Variants in ARHGAP39 observed in about 807,000 individuals in gnomAD.
ARHGAP39 encodes rho GTPase-activating protein 39.
A neutral mutation model predicts 106.9 loss-of-function variants in ARHGAP39; 44 were observed. The ratio of observed to expected loss-of-function variants is 0.41; its 90% CI spans 0.32 to 0.53. The LOEUF is 0.53. Among genes scored for constraint, ARHGAP39 ranks in the 20% least tolerant of loss-of-function variants. The probability of loss-of-function intolerance (pLI) is 0.21; values close to 1 mark genes in which losing one functional copy is unlikely to be tolerated. For synonymous variants in ARHGAP39, 768 were observed against 693.2 expected (o/e 1.11, Z -1.69); for missense variants, 1,496 against 1,577.3 (o/e 0.95, Z 0.87).
intron 2 of ARHGAP39, among the ~76,000 whole-genome samples, chr8:144,600,532 G>A (rs1288092487): frequency 2.0e-5 from 3 of 151,054 alleles, no homozygotes; most frequent in Non-Finnish European, 4.4e-5. Context: ...AGGCGTGCGT[G>A]TGCACTTGTG....
intron 1 of ARHGAP39, among the ~76,000 whole-genome samples, chr8:144,655,576 C>T (rs1411786130): frequency 6.6e-6 from 1 of 152,078 alleles, no homozygotes; most frequent in Non-Finnish European, 1.5e-5. Context: ...GCCACCCACT[C>T]CAGGCCTCCT....
intron 1 of ARHGAP39, among the ~76,000 whole-genome samples, chr8:144,622,347 T>C (rs372558709): frequency 6.6e-6 from 1 of 151,938 alleles, no homozygotes; most frequent in Non-Finnish European, 1.5e-5. Context: ...CACACCCCCA[T>C]GGCCATGTCA....
the ARHGAP39 span, chr8:144,698,770 A>C: frequency 6.6e-6 from 3 of 454,140 alleles, no homozygotes; most frequent in Non-Finnish European, 1.3e-5. Context: ...GTCCTTGGCC[A>C]TGAGTGGGTC....
At chr8:144,613,919 C>T (rs1820563992) in intron 1 of ARHGAP39, among the ~76,000 whole-genome samples, 1 of 152,234 alleles carries the variant, frequency 6.6e-6, no homozygotes. Context: ...AGTTGTCCTA[C>T]AGCTCAATGA....
intron 1 of ARHGAP39, among the ~76,000 whole-genome samples, chr8:144,634,059 C>T (rs1481582132): frequency 3.3e-5 from 5 of 152,292 alleles, no homozygotes; most frequent in African/African-American, 1.2e-4. Flanking sequence ...CCCATGAAGG[C>T]AATCTAATCA....
chr8:144,696,286 G>A, the ARHGAP39 span, among the ~76,000 whole-genome samples: 3 of 151,454 alleles, frequency 2.0e-5, no homozygotes, highest in South Asian at 4.2e-4. Flanking sequence ...TGACAAGTAC[G>A]TACGACCACA....
At chr8:144,607,015 C>T (rs1433296466) in intron 1 of ARHGAP39, among the ~76,000 whole-genome samples, 1 of 148,366 alleles carries the variant, frequency 6.7e-6, no homozygotes, top group Non-Finnish European at 1.5e-5. Flanking sequence ...AAAAAAAAAC[C>T]CACATCCTAA....
intron 3 of ARHGAP39, among the ~76,000 whole-genome samples, chr8:144,557,482 G>A (rs1423914486): frequency 6.7e-6 from 1 of 149,046 alleles, no homozygotes; most frequent in African/African-American, 2.5e-5. Flanking sequence ...AGTATTCAGT[G>A]GCAAAAGGCT....
At chr8:144,638,178 A>G (rs1283138028) in intron 1 of ARHGAP39, among the ~76,000 whole-genome samples, 5 of 152,174 alleles carry the variant, frequency 3.3e-5, no homozygotes, top group African/African-American at 1.2e-4. Context: ...GATGAACACC[A>G]CAGTCTTCTG....
chr8:144,585,582 G>A lies in ARHGAP39; in HGVS notation c.81-4305C>T, dbSNP rs150919914. 3.1e-3 allele frequency among the ~76,000 whole-genome samples: 470 copies of A among 152,246 alleles called. 2 individuals are homozygous for A. Among genetic ancestry groups the A allele is most frequent in the African/African-American group, 5.3e-3 (219 of 41,552 alleles). ...ATACAAAGTGTCAATGACTCCCATC[G>A]TTAGAAACACAGGGACACCAACATG... On this transcript the variant is annotated intron_variant, in intron 2 of 11. Coordinates refer to ENST00000377307, the MANE Select transcript of ARHGAP39 (RefSeq NM_025251.3). This position sits in a 1 kb window ranked among gnomAD's most constrained non-coding sequence, Gnocchi z 4.6.
intron 1 of ARHGAP39, among the ~76,000 whole-genome samples, chr8:144,638,798 G>A (rs562098352): frequency 1.3e-5 from 2 of 152,226 alleles, no homozygotes; most frequent in South Asian, 2.1e-4. Context: ...CCTCACTGCC[G>A]ACATGGAATC....
intron 3 of ARHGAP39, among the ~76,000 whole-genome samples, chr8:144,563,279 C>T (rs1818273316): frequency 6.6e-6 from 1 of 152,200 alleles, no homozygotes; most frequent in African/African-American, 2.4e-5. Context: ...ACAGTGGCAT[C>T]AACACGAACT....
intron 4 of ARHGAP39, among the ~76,000 whole-genome samples, chr8:144,551,757 C>T (rs956926914): frequency 2.6e-5 from 4 of 152,226 alleles, no homozygotes; most frequent in Non-Finnish European, 4.4e-5. Flanking sequence ...CTGTCATTCT[C>T]ACCCCTAGTT....
rs970582261 is a variant in ARHGAP39, at chr8:144,641,869, T to G, written c.-81-36174A>C. Reference sequence around the variant, plus strand: ...AGGAGGAGGGGTACCTGCCACAAGCTCCGGGTGGGCCACTGCAGCCACCCA... The same window carrying G: ...AGGAGGAGGGGTACCTGCCACAAGCGCCGGGTGGGCCACTGCAGCCACCCA... On this transcript the variant is annotated intron_variant, in intron 1 of 11. Transcript: ENST00000377307. The surrounding 1 kb of genome is among the most constrained non-coding windows in gnomAD (Gnocchi z 5.2). Among the ~76,000 whole-genome samples the G allele has an allele frequency of 2.0e-5, 3 of 152,092 alleles. No individual in the cohort carries two copies. The highest frequency in any genetic ancestry group is 2.9e-5 in the Non-Finnish European group (2 of 68,020).
intron 3 of ARHGAP39, among the ~76,000 whole-genome samples, chr8:144,559,432 T>C (rs1818064450): frequency 6.8e-6 from 1 of 146,052 alleles, no homozygotes; most frequent in South Asian, 2.2e-4. Context: ...GATTCTGGAA[T>C]GCAACAGAAA....
rs150171855 is a variant in ARHGAP39, at chr8:144,539,796, G to A, written c.2522-1983C>T. Among the ~76,000 whole-genome samples, 149 of 152,228 alleles carry A rather than the reference G, an allele frequency of 9.8e-4. 2 individuals are homozygous for A. The highest frequency in any genetic ancestry group is 3.4e-3 in the African/African-American group (140 of 41,544). ...ACCTCAAGGCTAGTGCCACACTCTC[G>A]TTAGTCTAGCTTTATAACAAGTCAG... On this transcript the variant is annotated intron_variant, in intron 6 of 11. Coordinates refer to ENST00000377307, the MANE Select transcript of ARHGAP39 (RefSeq NM_025251.3).
At chr8:144,593,270 C>T (rs1819475285) in intron 2 of ARHGAP39, among the ~76,000 whole-genome samples, 1 of 152,264 alleles carries the variant, frequency 6.6e-6, no homozygotes, top group South Asian at 2.1e-4. Context: ...GCTAGGGACA[C>T]AAGAGTGAAC....
chr8:144,672,476 A>G (rs569428943), intron 1 of ARHGAP39, among the ~76,000 whole-genome samples: 1 of 152,350 alleles, frequency 6.6e-6, no homozygotes, highest in African/African-American at 2.4e-5. Context: ...TGAAAGGAGC[A>G]TGGCAAGAAA....
At position 144,646,202 on chromosome 8, in the gene ARHGAP39, G is replaced by A. The variant is rs1458920636; in HGVS notation, c.-82+39484C>T. On this transcript the variant is annotated intron_variant, in intron 1 of 11. Transcript: ENST00000377307. The surrounding 1 kb of genome is among the most constrained non-coding windows in gnomAD (Gnocchi z 5.7). Reference sequence around the variant, plus strand: ...CGGAGGGGATGTGGATGTTCTCTCTGTGCAGACAGGGCAACAACCGCAAAC... The same window carrying A: ...CGGAGGGGATGTGGATGTTCTCTCTATGCAGACAGGGCAACAACCGCAAAC... Among the ~76,000 whole-genome samples, 1 of 152,224 alleles carries A rather than the reference G, an allele frequency of 6.6e-6. No individual in the cohort carries two copies. The highest frequency in any genetic ancestry group is 1.9e-4 in the East Asian group (1 of 5,194).
Sources: allele counts gnomAD v4.1 joint callset (sites outside exome capture counted in the v4.1 genomes callset), GRCh38; gene constraint gnomAD v4.1.1; non-coding constraint Gnocchi (gnomAD v3.1); transcripts MANE v1.5; gene names NCBI Gene and HGNC (gene_info 2026-07-23, HGNC 2026-07-21).